CNGA3: variants seen among roughly 807,000 people sequenced by gnomAD.
CNGA3 encodes cyclic nucleotide-gated channel alpha-3.
CNGA3 carries 42 observed loss-of-function variants against 46.6 expected under a neutral mutation model. The ratio of observed to expected loss-of-function variants is 0.90; its 90% CI spans 0.70 to 1.17. CNGA3 has a LOEUF of 1.17. CNGA3 is among the 50% of genes most tolerant of loss of function. The pLI is 0.00. For synonymous variants in CNGA3, 394 were observed against 369.4 expected, an observed-to-expected ratio of 1.07 and a Z score of -0.76; for missense variants, 893 against 890.7, an observed-to-expected ratio of 1.00 and a Z score of -0.03.
At position 98,396,244 on chromosome 2, in the gene CNGA3, G is replaced by A. The variant is rs772259302; in HGVS notation, c.1074G>A (p.Trp358Ter). ...LSRKYIYSLY[W>*]STLTLTTIGE... The stretch of plus-strand genomic sequence containing the variant: ...GGAAGTACATTTACAGTCTCTACTG[G>A]TCCACCTTGACCCTTACCACCATTG... Residue 358 changes from tryptophan (W) to a stop codon, truncating the protein, a stop_gained, in exon 8 of 8, where the codon TGG becomes TGA. Transcript: ENST00000272602. LOFTEE classifies it high-confidence loss of function. 4.3e-6 allele frequency: 7 copies of A among 1,613,870 alleles called. No homozygotes were observed. The highest frequency in any genetic ancestry group is 1.6e-4 in the Middle Eastern group (1 of 6,084).
At chr2:98,387,452 C>T (rs1389757483) in intron 5 of CNGA3, among the ~76,000 whole-genome samples, 2 of 152,204 alleles carry the variant, frequency 1.3e-5, no homozygotes, top group African/African-American at 4.8e-5. Flanking sequence ...CTTCCGCAAC[C>T]TTTGTTTCTT....
chr2:98,397,214 G>T lies in CNGA3; in HGVS notation c.2044G>T (p.Val682Phe), dbSNP rs1692943291. ...GGDKPLADGE[V>F]PGDATKTEDK... ...GGACAAGCCCCTGGCTGATGGGGAA[G>T]TTCCCGGGGATGCTACAAAAACAGA... The change falls in exon 8 of 8, where the codon GTT (valine) becomes TTT (phenylalanine). Residue 682 changes from valine to phenylalanine, a missense_variant. By Grantham distance (50) the Val-to-Phe change is conservative. This residue lies in a region of CNGA3 where 548 missense variants were observed against 570.8 expected (regional missense o/e 0.96). Transcript: ENST00000272602. 4 of 1,614,084 alleles carry T rather than the reference G, an allele frequency of 2.5e-6. No individual in the cohort carries two copies. Among genetic ancestry groups the T allele is most frequent in the Non-Finnish European group, 8.5e-7 (1 of 1,180,038 alleles).
intron 7 of CNGA3, among the ~76,000 whole-genome samples, 191 bp downstream of exon 7, chr2:98,392,161 G>T (rs560449798): frequency 6.6e-6 from 1 of 152,344 alleles, no homozygotes; most frequent in East Asian, 1.9e-4. Flanking sequence ...AGGACGCTGA[G>T]CAGGGGCCAG....
At chr2:98,369,859 G>GT in intron 1 of CNGA3, 80 bp from the exon 2 acceptor site, 1 of 881,758 alleles carries the variant, frequency 1.1e-6, no homozygotes, top group Non-Finnish European at 1.8e-6. Context: ...GCCGCGTGCG[G>GT]TAGCCCTTGC....
rs748631419 is a variant in CNGA3 at position 98,397,224 on chromosome 2, A to G, written c.2054A>G (p.Asp685Gly). The G allele has an allele frequency of 2.5e-6, 4 of 1,613,796 alleles. No individual in the cohort carries two copies. In the Admixed American group the frequency reaches 6.7e-5, roughly 27 times the overall value. Residue 685 changes from aspartate to glycine, a missense_variant, in exon 8 of 8, where the codon GAT becomes GGT. Transcript: ENST00000272602. ...KPLADGEVPG[D>G]ATKTEDKQQ ...CTGGCTGATGGGGAAGTTCCCGGGG[A>G]TGCTACAAAAACAGAGGACAAACAA...
At chr2:98,377,416 G>A in intron 2 of CNGA3, 1 of 428,222 alleles carries the variant, frequency 2.3e-6, no homozygotes, top group Non-Finnish European at 4.3e-6. Flanking sequence ...GCTTTGATGA[G>A]GGCCAGGCCA....
intron 1 of CNGA3, chr2:98,350,880 T>C (rs1245731791): frequency 6.6e-6 from 1 of 152,206 alleles, no homozygotes; most frequent in African/African-American, 2.4e-5. Flanking sequence ...TACCTTCCTG[T>C]CATGAGAAAG....
chr2:98,395,466 G>A (rs982570441), intron 7 of CNGA3, among the ~76,000 whole-genome samples: 62 of 152,154 alleles, frequency 4.1e-4, no homozygotes, highest in Middle Eastern at 3.4e-3. Context: ...CACGGCACCC[G>A]GCCCTCTGTC....
intron 1 of CNGA3, among the ~76,000 whole-genome samples, chr2:98,347,467 A>G (rs1691660856): frequency 6.6e-6 from 1 of 151,952 alleles, no homozygotes; most frequent in Non-Finnish European, 1.5e-5. Context: ...CGGGTGATTC[A>G]TTTTTCTCCC....
chr2:98,372,768 C>A lies in CNGA3; in HGVS notation c.101+2692C>A, dbSNP rs147286908. On this transcript the variant is annotated intron_variant, in intron 2 of 7. Coordinates refer to ENST00000272602, the MANE Select transcript of CNGA3 (RefSeq NM_001298.3). ...TGCTCAATTGACTCCCACTCCCGGT[C>A]TTGGAAATGATTACTTCTTCCTGTG... is the stretch of plus-strand genomic sequence containing the variant. 3.7e-3 allele frequency among the ~76,000 whole-genome samples: 565 copies of A among 152,236 alleles called. 4 individuals carry two copies. Among genetic ancestry groups the A allele is most frequent in the African/African-American group, 0.013 (527 of 41,532 alleles).
chr2:98,350,316 C>T (rs747233763), intron 1 of CNGA3, among the ~76,000 whole-genome samples: 4 of 152,122 alleles, frequency 2.6e-5, no homozygotes, highest in South Asian at 2.1e-4. Flanking sequence ...CCTGACATAT[C>T]GTAAGTGCTC....
intron 5 of CNGA3, among the ~76,000 whole-genome samples, chr2:98,387,821 A>C (rs1692686711): frequency 6.6e-6 from 1 of 152,222 alleles, no homozygotes; most frequent in Admixed American, 6.5e-5. Context: ...GAGAGGTTTC[A>C]AGAACAGCGG....
chr2:98,371,000 T>G (rs569053788), intron 2 of CNGA3, among the ~76,000 whole-genome samples: 1 of 152,062 alleles, frequency 6.6e-6, no homozygotes, highest in Non-Finnish European at 1.5e-5. Flanking sequence ...AATTTTTGTA[T>G]TTTTAGTAGA....
intron 3 of CNGA3, 127 bp from the exon 4 acceptor site, chr2:98,380,048 T>C: frequency 7.1e-6 from 8 of 1,128,364 alleles, no homozygotes; most frequent in Middle Eastern, 2.8e-4. Context: ...CTGGTCATCA[T>C]TGCTTCTGCC....
intron 3 of CNGA3, chr2:98,378,162 G>T: frequency 6.4e-7 from 1 of 1,550,708 alleles, no homozygotes; most frequent in Non-Finnish European, 8.7e-7. Flanking sequence ...GAGGATGGTG[G>T]TGATGAGTCT....
chr2:98,395,531 T>G (rs573692475), intron 7 of CNGA3, among the ~76,000 whole-genome samples: 2 of 152,190 alleles, frequency 1.3e-5, no homozygotes, highest in Admixed American at 1.3e-4. Flanking sequence ...TTTTAAAATA[T>G]GTATATAATT....
chr2:98,387,530 A>G (rs1363017657), intron 5 of CNGA3, among the ~76,000 whole-genome samples: 2 of 152,214 alleles, frequency 1.3e-5, no homozygotes, highest in Non-Finnish European at 2.9e-5. Context: ...ATAACTTTAT[A>G]AGAGTTCCTA....
At chr2:98,354,092 C>A (rs895327906) in intron 1 of CNGA3, among the ~76,000 whole-genome samples, 2 of 152,224 alleles carry the variant, frequency 1.3e-5, no homozygotes, top group Admixed American at 1.3e-4. Flanking sequence ...TACGTACAAC[C>A]TCCTGTGTAC....
intron 5 of CNGA3, among the ~76,000 whole-genome samples, chr2:98,384,721 C>G (rs1049733894): frequency 2.0e-5 from 3 of 152,208 alleles, no homozygotes; most frequent in African/African-American, 7.2e-5. Flanking sequence ...GCTCCAGATA[C>G]TGAAACCATG....
Sources: allele counts gnomAD v4.1 joint callset (sites outside exome capture counted in the v4.1 genomes callset), GRCh38; gene constraint gnomAD v4.1.1; regional missense constraint gnomAD v4.1.1; transcripts MANE v1.5; gene names NCBI Gene and HGNC (gene_info 2026-07-23, HGNC 2026-07-21).